The following RNPC3 variants were observed in gnomAD, a reference collection of about 807,000 sequenced individuals.
The protein encoded by RNPC3 is RNA binding region (RNP1, RRM) containing 3, also known as RNA-binding region-containing protein 3.
A neutral mutation model predicts 67.5 loss-of-function variants in RNPC3; 48 were observed. That is an observed-to-expected ratio of 0.71 (90% CI 0.56 to 0.90). RNPC3 has a LOEUF of 0.90. RNPC3 is among the 40% of genes least tolerant of loss of function. RNPC3 has a pLI of 0.00. For missense variants in RNPC3, 637 were observed against 626.1 expected, an observed-to-expected ratio of 1.02 and a Z score of -0.19; for synonymous variants, 239 against 210.3, an observed-to-expected ratio of 1.14 and a Z score of -1.18.
Position 103,547,079 on chromosome 1 carries a change from A to C in RNPC3, c.1361+44A>C, listed in dbSNP as rs1345691307. 6.2e-6 allele frequency: 7 copies of C among 1,135,356 alleles called. No individual in the cohort carries two copies. The South Asian group carries it at 1.1e-4, about 18-fold the overall frequency. 70.3% of individuals were successfully genotyped at this position (1,135,356 alleles called of 1,614,324 possible). On this transcript the variant is annotated intron_variant, in intron 12 of 14. Coordinates refer to ENST00000423855, the MANE Select transcript of RNPC3 (RefSeq NM_017619.4). ...CAATCTTCAATTATATTTTGTTTTT[A>C]TCTATTACAAATTTACCACTATTTT...
rs573683385 is a variant in RNPC3, at chr1:103,539,051, C to T, written c.767+1567C>T. 3.3e-5 allele frequency among the ~76,000 whole-genome samples: 5 copies of T among 152,224 alleles called. No homozygotes were observed. In the South Asian group the frequency reaches 1.0e-3, roughly 32 times the overall value. ...TAGGAAAGCATCCATAGATAGTATA[C>T]CTAATGAGTTGGTGTGGCCTTATTC... On this transcript the variant is annotated intron_variant, in intron 7 of 14. Transcript: ENST00000423855.
intron 14 of RNPC3, chr1:103,553,407 T>C (rs1651448266): frequency 2.0e-5 from 3 of 152,150 alleles, no homozygotes; most frequent in Non-Finnish European, 4.4e-5. Flanking sequence ...TTGATCCAGG[T>C]TAAGGAATAC....
chr1:103,549,435 G>A (rs1002574943), intron 12 of RNPC3, among the ~76,000 whole-genome samples: 3 of 151,934 alleles, frequency 2.0e-5, no homozygotes, highest in African/African-American at 7.3e-5. Flanking sequence ...CTTCTTACCA[G>A]AATGCCAAAA....
intron 8 of RNPC3, 119 bp downstream of exon 8, chr1:103,541,594 C>G: frequency 2.1e-6 from 2 of 938,110 alleles, no homozygotes; most frequent in Non-Finnish European, 3.0e-6. Flanking sequence ...TTTACATTGG[C>G]TTCCTAGTTA....
At position 103,543,435 on chromosome 1, in the gene RNPC3, G is replaced by GA; in HGVS notation, c.1040dup (p.Asn347LysfsTer3). The GA allele has an allele frequency of 6.7e-7, 1 of 1,501,646 alleles. No individual in the cohort carries two copies. Among genetic ancestry groups the GA allele is most frequent in the South Asian group, 1.3e-5 (1 of 77,942 alleles). The allele number at this position is 1,501,646 out of a possible 1,614,324, so 93.0% of individuals were successfully genotyped here. On this transcript the variant is annotated frameshift_variant, in exon 9 of 15. Transcript: ENST00000423855. LOFTEE classifies it high-confidence loss of function. ...TTTAGAAAAGGAACAAAATTGTGAG[G>GA]AAAAAAATCATGGTAAGGATATTCT...
At chr1:103,548,618 T>C (rs1379075401) in intron 12 of RNPC3, among the ~76,000 whole-genome samples, 1 of 152,208 alleles carries the variant, frequency 6.6e-6, no homozygotes, top group Non-Finnish European at 1.5e-5. Context: ...TCAACAAGTC[T>C]AGCGAGTTCC....
intron 8 of RNPC3, among the ~76,000 whole-genome samples, chr1:103,542,987 T>C (rs915390834): frequency 1.2e-4 from 18 of 151,746 alleles, no homozygotes; most frequent in African/African-American, 4.1e-4. Context: ...TATTAATAAA[T>C]ATCCTGGTGT....
At chr1:103,546,835 T>C (rs1651256817) in intron 11 of RNPC3, 142 bp from the exon 12 acceptor site, 1 of 518,174 alleles carries the variant, frequency 1.9e-6, no homozygotes, top group African/African-American at 2.0e-5. Context: ...ATTTCCCCTT[T>C]TGAAAGGCCA....
chr1:103,548,165 C>T (rs1016734443), intron 12 of RNPC3, among the ~76,000 whole-genome samples: 4 of 152,192 alleles, frequency 2.6e-5, no homozygotes, highest in Admixed American at 2.6e-4. Flanking sequence ...AGACCTCTAA[C>T]ATGCCCTGGA....
chr1:103,534,004 A>G, intron 3 of RNPC3, 147 bp downstream of exon 3: 1 of 593,416 alleles, frequency 1.7e-6, no homozygotes, highest in South Asian at 2.1e-5. Flanking sequence ...TAGTACAGTA[A>G]AACAGTATGT....
At chr1:103,526,336 A>T in intron 1 of RNPC3, 74 bp downstream of exon 1, 1 of 1,300,770 alleles carries the variant, frequency 7.7e-7, no homozygotes, top group South Asian at 1.5e-5. Flanking sequence ...CGCTGACAAG[A>T]GTAAAATGGA....
chr1:103,539,011 G>A (rs1449446405), intron 7 of RNPC3, among the ~76,000 whole-genome samples: 1 of 152,160 alleles, frequency 6.6e-6, no homozygotes. Context: ...TGGCTACTCA[G>A]TTCTACCCTT....
chr1:103,526,277 C>A lies in RNPC3; in HGVS notation c.192+15C>A. On this transcript the variant is annotated intron_variant, in intron 1 of 14. Coordinates refer to ENST00000423855, the MANE Select transcript of RNPC3 (RefSeq NM_017619.4). The stretch of plus-strand genomic sequence containing the variant: ...AGGGGCGACTGGTAAGGGCGCGCCC[C>A]TCCGGAGTCTCCCGGGAAGGCATTT... 2 of 1,513,978 alleles carry A rather than the reference C, an allele frequency of 1.3e-6. No individual in the cohort carries two copies. The highest frequency in any genetic ancestry group is 2.5e-5 in the East Asian group (1 of 39,480). The allele number at this position is 1,513,978 out of a possible 1,614,324, so 93.8% of individuals were successfully genotyped here.
At chr1:103,540,080 T>C (rs1172645748) in intron 7 of RNPC3, among the ~76,000 whole-genome samples, 1 of 152,236 alleles carries the variant, frequency 6.6e-6, no homozygotes, top group Non-Finnish European at 1.5e-5. Context: ...TTGCACAGGC[T>C]GGTCTCAAAA....
intron 9 of RNPC3, 124 bp from the exon 10 acceptor site, chr1:103,544,817 G>T: frequency 1.8e-6 from 1 of 553,978 alleles, no homozygotes; most frequent in Non-Finnish European, 2.9e-6. Flanking sequence ...TTAGTATATT[G>T]AGAAACACCA....
At chr1:103,551,628 C>CATACTCCCAAAATTAAAAAACA in intron 13 of RNPC3, 93 bp from the exon 14 acceptor site, 1 of 749,908 alleles carries the variant, frequency 1.3e-6, no homozygotes, top group Non-Finnish European at 2.2e-6. Flanking sequence ...ATTAAAAAAC[C>CATACTCCCAAAATTAAAAAACA]ATACTCCCAC....
chr1:103,537,563 G>A (rs1189594194), intron 7 of RNPC3, 79 bp downstream of exon 7: 8 of 1,208,166 alleles, frequency 6.6e-6, no homozygotes, highest in African/African-American at 3.0e-5. Flanking sequence ...CCTAGATTTT[G>A]TGTGTATAAT....
chr1:103,545,435 A>G (rs970380838), intron 10 of RNPC3: 1 of 195,420 alleles, frequency 5.1e-6, no homozygotes, highest in Admixed American at 6.3e-5. Context: ...GACTGTCACA[A>G]ATACTGTGTC....
chr1:103,551,615 T>TAAATTAAAAAACCATACTCCCA (rs532934202), intron 13 of RNPC3, 106 bp from the exon 14 acceptor site: 24,430 of 650,862 alleles, frequency 0.038, 697 homozygotes, highest in Non-Finnish European at 0.043. Context: ...GCACTCAAGG[T>TAAATTAAAAAACCATACTCCCA]AAATTAAAAA....
Sources: allele counts gnomAD v4.1 joint callset (sites outside exome capture counted in the v4.1 genomes callset), GRCh38; gene constraint gnomAD v4.1.1; transcripts MANE v1.5; gene names NCBI Gene and HGNC (gene_info 2026-07-23, HGNC 2026-07-21).